PIBF1: variants seen among roughly 807,000 people sequenced by gnomAD.
The protein encoded by PIBF1 is progesterone-induced-blocking factor 1.
PIBF1 carries 90 observed loss-of-function variants against 112.5 expected under a neutral mutation model. The observed-to-expected ratio is 0.80, with a 90% CI of 0.67 to 0.95. PIBF1 has a LOEUF of 0.95. Among genes scored for constraint, PIBF1 ranks in the 40% least tolerant of loss-of-function variants. The probability of loss-of-function intolerance (pLI) is 0.00; values close to 1 mark genes in which losing one functional copy is unlikely to be tolerated. For missense variants in PIBF1, 915 were observed against 852.3 expected (o/e 1.07, Z -0.92); for synonymous variants, 301 against 288.6 (o/e 1.04, Z -0.44).
chr13:73,007,783 T>C (rs142003630), intron 17 of PIBF1, among the ~76,000 whole-genome samples: 1,452 of 143,694 alleles, frequency 0.01, 13 homozygotes, highest in Middle Eastern at 0.019. Flanking sequence ...CACTCCAGCC[T>C]GGGCAACAAG....
intron 10 of PIBF1, among the ~76,000 whole-genome samples, chr13:72,861,927 A>G (rs1184870340): frequency 2.6e-5 from 4 of 152,208 alleles, no homozygotes; most frequent in Non-Finnish European, 4.4e-5. Context: ...TGGAAGAGAA[A>G]TAGTATTTAG....
chr13:72,821,030 G>A (rs182227942), intron 5 of PIBF1, among the ~76,000 whole-genome samples: 86 of 152,274 alleles, frequency 5.6e-4, no homozygotes, highest in African/African-American at 1.9e-3. Context: ...CTAATGTGAT[G>A]GTAATGATAC....
At chr13:72,919,037 C>G (rs2041203447) in intron 13 of PIBF1, among the ~76,000 whole-genome samples, 1 of 152,106 alleles carries the variant, frequency 6.6e-6, no homozygotes, top group Non-Finnish European at 1.5e-5. Context: ...TTTTCACTTT[C>G]TCTATCTAAC....
intron 16 of PIBF1, 150 bp downstream of exon 16, chr13:72,973,825 T>C: frequency 1.8e-6 from 1 of 552,552 alleles, no homozygotes; most frequent in South Asian, 2.8e-5. Context: ...TTTATTCAAC[T>C]TTTGATATAC....
chr13:72,861,410 A>G (rs1251927071), intron 10 of PIBF1, among the ~76,000 whole-genome samples: 7 of 152,154 alleles, frequency 4.6e-5, no homozygotes, highest in Admixed American at 6.6e-5. Flanking sequence ...TGGTAATGGT[A>G]GGATTTTTGT....
chr13:72,890,641 A>G (rs1335432692), intron 10 of PIBF1, among the ~76,000 whole-genome samples: 1 of 152,180 alleles, frequency 6.6e-6, no homozygotes, highest in Admixed American at 6.6e-5. Flanking sequence ...ATAAATTAGA[A>G]TATCAAACGT....
intron 17 of PIBF1, among the ~76,000 whole-genome samples, chr13:73,009,838 G>A (rs2044141782): frequency 6.6e-6 from 1 of 152,186 alleles, no homozygotes. Flanking sequence ...ACATATTAGG[G>A]GTGGGAGTAA....
chr13:72,988,424 C>T (rs1056458459), intron 16 of PIBF1, among the ~76,000 whole-genome samples: 18 of 151,998 alleles, frequency 1.2e-4, no homozygotes, highest in East Asian at 7.8e-4. Context: ...ATAGGGAGAT[C>T]GAGGGGCTGT....
At chr13:72,833,692 C>T (rs1442508189) in intron 8 of PIBF1, among the ~76,000 whole-genome samples, 1 of 152,208 alleles carries the variant, frequency 6.6e-6, no homozygotes, top group East Asian at 1.9e-4. Context: ...TCGGTCCCTA[C>T]TGGGAGGTGT....
chr13:72,954,912 A>G (rs2042400810), intron 14 of PIBF1, among the ~76,000 whole-genome samples: 1 of 152,168 alleles, frequency 6.6e-6, no homozygotes, highest in African/African-American at 2.4e-5. Flanking sequence ...ATGTCTTGGT[A>G]TCCTCCCTAC....
chr13:72,950,690 ATATT>A (rs2042271513), intron 14 of PIBF1, among the ~76,000 whole-genome samples: 1 of 152,204 alleles, frequency 6.6e-6, no homozygotes, highest in Non-Finnish European at 1.5e-5. Context: ...CTTTCAACAA[ATATT>A]TATTGAGTAC....
chr13:72,835,233 C>A lies in PIBF1; in HGVS notation c.1098-10C>A. The A allele has an allele frequency of 6.5e-7, 1 of 1,539,358 alleles. No homozygotes were observed. Among genetic ancestry groups the A allele is most frequent in the Non-Finnish European group, 8.7e-7 (1 of 1,150,712 alleles). On this transcript the variant is annotated splice_polypyrimidine_tract_variant and intron_variant, in intron 8 of 17. Transcript: ENST00000326291. ...GAAAATTTATGGTTGTTCCTTTTCA[C>A]TCCTTGCAGAGACCATTATAAAACA...
chr13:73,014,048 T>TCCCTCCCCTC (rs1366074381), intron 17 of PIBF1, among the ~76,000 whole-genome samples: 2 of 148,104 alleles, frequency 1.4e-5, no homozygotes, highest in Non-Finnish European at 3.0e-5. Context: ...TCCCTTCCCT[T>TCCCTCCCCTC]CCCTCCCCTC....
At chr13:72,927,996 C>CATATATATACACAT (rs2041565749) in intron 13 of PIBF1, among the ~76,000 whole-genome samples, 1 of 76,128 alleles carries the variant, frequency 1.3e-5, no homozygotes, top group Admixed American at 1.6e-4. Context: ...TATACACACA[C>CATATATATACACAT]ATATATATAC....
intron 10 of PIBF1, among the ~76,000 whole-genome samples, chr13:72,893,072 T>C (rs2040122378): frequency 6.6e-6 from 1 of 152,210 alleles, no homozygotes; most frequent in African/African-American, 2.4e-5. Context: ...ACTTGGTTCA[T>C]AATAACTCCC....
intron 3 of PIBF1, among the ~76,000 whole-genome samples, chr13:72,793,087 T>C (rs189636723): frequency 2.2e-4 from 33 of 152,336 alleles, no homozygotes; most frequent in East Asian, 3.9e-4. Flanking sequence ...AGGGCAAACA[T>C]GAAATCCATA....
chr13:72,952,165 C>T (rs964721626), intron 14 of PIBF1, among the ~76,000 whole-genome samples: 2 of 151,660 alleles, frequency 1.3e-5, no homozygotes, highest in Non-Finnish European at 2.9e-5. Flanking sequence ...GCGATTATCC[C>T]ACCTCAGTCT....
chr13:72,963,180 G>T (rs1030092777), intron 14 of PIBF1, among the ~76,000 whole-genome samples: 2 of 152,172 alleles, frequency 1.3e-5, no homozygotes, highest in Non-Finnish European at 2.9e-5. Context: ...GGTATAAAAT[G>T]CATAGAAGAA....
chr13:72,854,270 C>A, intron 10 of PIBF1, 115 bp downstream of exon 10: 1 of 640,194 alleles, frequency 1.6e-6, no homozygotes, highest in South Asian at 2.1e-5. Context: ...TGAGGAGAGA[C>A]TAATTTTCAT....
Sources: gnomAD v4.1 joint callset for allele counts (sites outside exome capture counted in the v4.1 genomes callset) on GRCh38, gnomAD v4.1.1 for gene constraint, MANE v1.5 for transcripts, NCBI Gene and HGNC (gene_info 2026-07-23, HGNC 2026-07-21) for gene names.